The following ADAM12 variants were observed in gnomAD, a reference collection of about 807,000 sequenced individuals.
The protein encoded by ADAM12 is disintegrin and metalloproteinase domain-containing protein 12.
A neutral mutation model predicts 106.4 loss-of-function variants in ADAM12; 70 were observed. The observed-to-expected ratio is 0.66, with a 90% CI of 0.54 to 0.80. The LOEUF (loss-of-function observed/expected upper bound fraction) is 0.80, where lower values mean the gene tolerates loss of function less well. Among genes scored for constraint, ADAM12 ranks in the 30% least tolerant of loss-of-function variants. The probability of loss-of-function intolerance (pLI) is 0.00; values close to 1 mark genes in which losing one functional copy is unlikely to be tolerated. For synonymous variants in ADAM12, 420 were observed against 433.5 expected (o/e 0.97, Z 0.39); for missense variants, 1,010 against 1,171.9 (o/e 0.86, Z 2.02).
intron 11 of ADAM12, among the ~76,000 whole-genome samples, chr10:126,089,481 T>C (rs1955421579): frequency 6.6e-6 from 1 of 152,196 alleles, no homozygotes; most frequent in Non-Finnish European, 1.5e-5. Context: ...CCCTCTTCTT[T>C]TTTGTACAGA....
chr10:126,374,508 G>A (rs1856211724), intron 1 of ADAM12, among the ~76,000 whole-genome samples: 1 of 152,018 alleles, frequency 6.6e-6, no homozygotes, highest in African/African-American at 2.4e-5. Flanking sequence ...AGAAGATCAG[G>A]CAAGTTTGAA....
At chr10:126,222,753 G>A (rs1958118587) in intron 3 of ADAM12, among the ~76,000 whole-genome samples, 1 of 152,122 alleles carries the variant, frequency 6.6e-6, no homozygotes, top group African/African-American at 2.4e-5. Context: ...GATAGCAGAG[G>A]CTGCTGAGAA....
chr10:126,219,286 G>T (rs544970611), intron 3 of ADAM12, among the ~76,000 whole-genome samples: 1 of 152,176 alleles, frequency 6.6e-6, no homozygotes, highest in Non-Finnish European at 1.5e-5. Context: ...TTAGCGCCTC[G>T]AACAGAGGTC....
chr10:126,166,834 A>G (rs1226345104), intron 3 of ADAM12, among the ~76,000 whole-genome samples: 3 of 152,160 alleles, frequency 2.0e-5, no homozygotes, highest in Non-Finnish European at 1.5e-5. Flanking sequence ...AGATCTATCA[A>G]GTTTCAGTAG....
chr10:126,100,924 GC>G, intron 9 of ADAM12, 147 bp downstream of exon 9: 4 of 747,956 alleles, frequency 5.3e-6, no homozygotes, highest in South Asian at 2.3e-5. Context: ...GGTGGCATCT[GC>G]CCCCCTGGTG....
At chr10:126,238,248 G>C (rs1958457430) in intron 3 of ADAM12, among the ~76,000 whole-genome samples, 1 of 152,212 alleles carries the variant, frequency 6.6e-6, no homozygotes, top group Non-Finnish European at 1.5e-5. Flanking sequence ...GTGAGGCCAA[G>C]GCAGGTGGAT....
At chr10:126,076,015 G>T (rs954300398) in intron 11 of ADAM12, among the ~76,000 whole-genome samples, 12 of 152,136 alleles carry the variant, frequency 7.9e-5, no homozygotes, top group African/African-American at 2.4e-4. Context: ...GGGGTCTGGG[G>T]TCCTGTCACC....
intron 2 of ADAM12, among the ~76,000 whole-genome samples, chr10:126,314,108 A>T (rs1230158985): frequency 6.6e-6 from 1 of 152,088 alleles, no homozygotes; most frequent in Non-Finnish European, 1.5e-5. Context: ...CAGGAATAAG[A>T]TGAGAAGCCA....
chr10:126,113,385 C>T (rs943327781), intron 6 of ADAM12, among the ~76,000 whole-genome samples: 3 of 151,586 alleles, frequency 2.0e-5, no homozygotes, highest in Non-Finnish European at 2.9e-5. Flanking sequence ...TGCAACTGGG[C>T]GTGGTGGCTT....
At chr10:126,155,837 C>T (rs1313112054) in intron 3 of ADAM12, among the ~76,000 whole-genome samples, 2 of 152,088 alleles carry the variant, frequency 1.3e-5, no homozygotes, top group Non-Finnish European at 2.9e-5. Flanking sequence ...GAGAATAGAA[C>T]AGCAATGAAA....
chr10:126,151,818 A>G (rs1956732550), intron 4 of ADAM12, among the ~76,000 whole-genome samples: 1 of 151,914 alleles, frequency 6.6e-6, no homozygotes, highest in Non-Finnish European at 1.5e-5. Flanking sequence ...CATTTCTAAG[A>G]AATAATTAGT....
At chr10:126,313,747 GA>G (rs1309785953) in intron 2 of ADAM12, among the ~76,000 whole-genome samples, 1 of 152,034 alleles carries the variant, frequency 6.6e-6, no homozygotes, top group Non-Finnish European at 1.5e-5. Context: ...TCAACTCTAG[GA>G]AAAAGTGGTG....
At chr10:126,102,086 C>T (rs1332216852) in intron 8 of ADAM12, among the ~76,000 whole-genome samples, 1 of 152,154 alleles carries the variant, frequency 6.6e-6, no homozygotes, top group African/African-American at 2.4e-5. Flanking sequence ...GGAAAAGCAA[C>T]TCCTCCAGGG....
At chr10:126,278,816 C>T (rs1959406568) in intron 3 of ADAM12, 99 bp downstream of exon 3, 5 of 845,540 alleles carry the variant, frequency 5.9e-6, no homozygotes, top group Non-Finnish European at 8.9e-6. Flanking sequence ...CCATGCATTT[C>T]GTTCTTTGTT....
intron 3 of ADAM12, among the ~76,000 whole-genome samples, chr10:126,266,097 T>C (rs907057269): frequency 1.3e-5 from 2 of 152,162 alleles, no homozygotes; most frequent in Non-Finnish European, 2.9e-5. Flanking sequence ...GATGGGTACA[T>C]AGCAATTAAC....
At chr10:126,368,244 A>C (rs1230907122) in intron 1 of ADAM12, among the ~76,000 whole-genome samples, 1 of 151,898 alleles carries the variant, frequency 6.6e-6, no homozygotes, top group African/African-American at 2.4e-5. Flanking sequence ...ACTACAACTA[A>C]TCAGGCTACC....
At chr10:126,069,107 A>G (rs190230337) in intron 12 of ADAM12, among the ~76,000 whole-genome samples, 266 of 152,294 alleles carry the variant, frequency 1.7e-3, no homozygotes, top group African/African-American at 6.1e-3. Flanking sequence ...CCAGGGCCTG[A>G]GCACTGGGTA....
At chr10:126,161,833 A>T (rs929348626) in intron 3 of ADAM12, among the ~76,000 whole-genome samples, 2 of 152,194 alleles carry the variant, frequency 1.3e-5, no homozygotes, top group Non-Finnish European at 2.9e-5. Context: ...GATTTCCCCA[A>T]AGAGAAAATC....
rs1462114870 is a variant in ADAM12, at chr10:126,064,182, G to A, written c.1609+624C>T. On this transcript the variant is annotated intron_variant, in intron 14 of 22. Transcript: ENST00000448723. The surrounding 1 kb of genome is among the most constrained non-coding windows in gnomAD (Gnocchi z 4.4). ...GAACTGGTGAAATGGTGAACTGATGGTCTCTTGTTTGACGCAACCACCCCA... is the reference window on the plus strand; with the variant it reads ...GAACTGGTGAAATGGTGAACTGATGATCTCTTGTTTGACGCAACCACCCCA... Among the ~76,000 whole-genome samples the A allele has an allele frequency of 6.6e-6, 1 of 152,142 alleles. No homozygotes were observed. The highest frequency in any genetic ancestry group is 2.4e-5 in the African/African-American group (1 of 41,416).
Sources: allele counts gnomAD v4.1 joint callset (sites outside exome capture counted in the v4.1 genomes callset), GRCh38; gene constraint gnomAD v4.1.1; non-coding constraint Gnocchi (gnomAD v3.1); transcripts MANE v1.5; gene names NCBI Gene and HGNC (gene_info 2026-07-23, HGNC 2026-07-21).